Variants in GOLGA8A observed in about 807,000 individuals in gnomAD.
GOLGA8A encodes golgin subfamily A member 8A.
In GOLGA8A, 3 loss-of-function variants were observed where a neutral mutation model predicts 22.1. That is an observed-to-expected ratio of 0.14 (90% CI 0.06 to 0.35). The LOEUF is 0.35. Ranked by LOEUF, GOLGA8A falls within the 10% of genes least tolerant of loss-of-function variation. The probability of loss-of-function intolerance (pLI) is 1.00; values close to 1 mark genes in which losing one functional copy is unlikely to be tolerated. For missense variants in GOLGA8A, 16 were observed against 233.2 expected, an observed-to-expected ratio of 0.07 and a Z score of 6.07; for synonymous variants, 7 against 91.7, an observed-to-expected ratio of 0.08 and a Z score of 5.28.
intron 2 of GOLGA8A, among the ~76,000 whole-genome samples, chr15:34,432,020 T>A (rs749657332): frequency 1.3e-5 from 2 of 149,198 alleles, no homozygotes; most frequent in Non-Finnish European, 1.5e-5. Context: ...AATAAGAGTT[T>A]CCTCAGAACT....
chr15:34,425,291 G>A (rs2453693), intron 2 of GOLGA8A, among the ~76,000 whole-genome samples: 29 of 145,700 alleles, frequency 2.0e-4, no homozygotes, highest in African/African-American at 3.5e-4. Context: ...AGAAACACAG[G>A]AGAAACACTC....
At chr15:34,424,444 G>C (rs550035960) in intron 2 of GOLGA8A, among the ~76,000 whole-genome samples, 1 of 143,566 alleles carries the variant, frequency 7.0e-6, no homozygotes, top group South Asian at 2.5e-4. Flanking sequence ...AAATACGAGA[G>C]GAAGAATGAC....
At chr15:34,431,465 A>T (rs1162719798) in intron 2 of GOLGA8A, among the ~76,000 whole-genome samples, 2 of 147,432 alleles carry the variant, frequency 1.4e-5, no homozygotes, top group Non-Finnish European at 3.0e-5. Context: ...ATCATTAGGC[A>T]ATTTCATCAT....
chr15:34,398,990 G>A (rs1458161416), intron 7 of GOLGA8A, among the ~76,000 whole-genome samples, 165 bp downstream of exon 7: 1 of 138,774 alleles, frequency 7.2e-6, no homozygotes, highest in Non-Finnish European at 1.6e-5. Flanking sequence ...GCAGCACCAA[G>A]TACAGTGTCA....
Position 34,380,571 on chromosome 15 carries a change from TTTC to T in GOLGA8A, c.*837_*839del. On this transcript the variant is annotated 3_prime_UTR_variant, in exon 25 of 25. Coordinates refer to ENST00000359187, the MANE Select transcript of GOLGA8A (RefSeq NM_181077.5). ...ACACCCACAGCCAATGATGGCAGCCTTTCATTCCTCGGAAATAAGCCCTTTTTA... is the reference window on the plus strand; with the variant it reads ...ACACCCACAGCCAATGATGGCAGCCTATTCCTCGGAAATAAGCCCTTTTTA... 6.6e-6 allele frequency: 1 copy of T among 152,392 alleles called. No homozygotes were observed. The highest frequency in any genetic ancestry group is 1.9e-4 in the East Asian group (1 of 5,186). 9.4% of individuals were successfully genotyped at this position (152,392 alleles called of 1,614,324 possible).
At chr15:34,433,381 G>C (rs1300376060) in intron 2 of GOLGA8A, among the ~76,000 whole-genome samples, 1 of 149,244 alleles carries the variant, frequency 6.7e-6, no homozygotes, top group Non-Finnish European at 1.5e-5. Flanking sequence ...TTTGGCAGCA[G>C]GGACCACCCG....
chr15:34,402,811 A>C (rs1196054623), intron 5 of GOLGA8A, among the ~76,000 whole-genome samples: 3 of 27,906 alleles, frequency 1.1e-4, no homozygotes, highest in African/African-American at 5.9e-4. Context: ...TCAACTTGGC[A>C]ATCATTCTCT....
At chr15:34,416,798 C>CAA (rs1370201538) in intron 2 of GOLGA8A, 15 of 63,074 alleles carry the variant, frequency 2.4e-4, no homozygotes, top group African/African-American at 8.6e-4. Context: ...GACATTGTCT[C>CAA]AAAAAATAAA....
Position 34,434,159 on chromosome 15 carries a change from G to A in GOLGA8A, c.-1123+1224C>T, listed in dbSNP as rs1426923388. ...TCTGGGCAATGAGCCTGTCTGCCTG[G>A]AGCCAGGAGAGCCTGGAGGGGCCAT... On this transcript the variant is annotated intron_variant, in intron 2 of 24. Transcript: ENST00000359187. Among the ~76,000 whole-genome samples the A allele has an allele frequency of 1.7e-4, 26 of 149,598 alleles. 1 individual carries two copies. The highest frequency in any genetic ancestry group is 6.4e-4 in the African/African-American group (26 of 40,538).
In GOLGA8A at chr15:34,428,402, A is replaced by C. The variant is rs1251420402; in HGVS notation, c.-1123+6981T>G. The stretch of plus-strand genomic sequence containing the variant: ...AACCACCGTGCCCAGCCTTCAAATC[A>C]CATTTCTAAGGAGCCTAACAAGCAG... On this transcript the variant is annotated intron_variant, in intron 2 of 24. Transcript: ENST00000359187. Among the ~76,000 whole-genome samples, 3 of 148,486 alleles carry C rather than the reference A, an allele frequency of 2.0e-5. No individual in the cohort carries two copies. The East Asian group carries it at 6.0e-4, about 29-fold the overall frequency.
chr15:34,432,510 A>G (rs537374121), intron 2 of GOLGA8A, among the ~76,000 whole-genome samples: 1 of 149,122 alleles, frequency 6.7e-6, no homozygotes, highest in South Asian at 2.2e-4. Flanking sequence ...CAAAGTTAAG[A>G]CAAGACCTGC....
At position 34,434,497 on chromosome 15, in the gene GOLGA8A, C is replaced by T. The variant is rs568781608; in HGVS notation, c.-1123+886G>A. ...CAGGGAGAGAGGGGAGGATTGGCTTCAGGAGAGGCGAGAAACGACAGTGCC... is the reference window on the plus strand; with the variant it reads ...CAGGGAGAGAGGGGAGGATTGGCTTTAGGAGAGGCGAGAAACGACAGTGCC... On this transcript the variant is annotated intron_variant, in intron 2 of 24. Coordinates refer to ENST00000359187, the MANE Select transcript of GOLGA8A (RefSeq NM_181077.5). Among the ~76,000 whole-genome samples, 53 of 149,228 alleles carry T rather than the reference C, an allele frequency of 3.6e-4. 3 individuals carry two copies. The highest frequency in any genetic ancestry group is 1.3e-3 in the African/African-American group (53 of 40,528).
Position 34,381,095 on chromosome 15 carries a change from T to C in GOLGA8A, c.*316A>G, listed in dbSNP as rs1323121567. ...TATTCCAAACCAGCGAGAACAGTTT[T>C]GTGCAAAGAGTGGGTCTTTGTGTGT... On this transcript the variant is annotated 3_prime_UTR_variant, in exon 25 of 25. Coordinates refer to ENST00000359187, the MANE Select transcript of GOLGA8A (RefSeq NM_181077.5). 2.3e-6 allele frequency: 1 copy of C among 437,478 alleles called. No homozygotes were observed. Among genetic ancestry groups the C allele is most frequent in the Non-Finnish European group, 4.3e-6 (1 of 234,346 alleles). 27.1% of individuals were successfully genotyped at this position (437,478 alleles called of 1,614,324 possible).
rs1323144552 is a variant in GOLGA8A, at chr15:34,380,926, T to C, written c.*485A>G. 3.3e-6 allele frequency: 1 copy of C among 303,550 alleles called. No individual in the cohort carries two copies. The highest frequency in any genetic ancestry group is 6.3e-6 in the Non-Finnish European group (1 of 157,796). 18.8% of individuals were successfully genotyped at this position (303,550 alleles called of 1,614,324 possible). ...TTACAAAGTAATAAACAGTGCACACTTGAGGGCAAACCGCATATTGAGCTA... is the reference window on the plus strand; with the variant it reads ...TTACAAAGTAATAAACAGTGCACACCTGAGGGCAAACCGCATATTGAGCTA... On this transcript the variant is annotated 3_prime_UTR_variant, in exon 25 of 25. Coordinates refer to ENST00000359187, the MANE Select transcript of GOLGA8A (RefSeq NM_181077.5).
intron 6 of GOLGA8A, among the ~76,000 whole-genome samples, chr15:34,400,331 C>T (rs1349296356): frequency 7.7e-6 from 1 of 129,340 alleles, no homozygotes; most frequent in African/African-American, 2.9e-5. Flanking sequence ...AGTGATTCTC[C>T]CAGCTCAGCC....
chr15:34,436,033 G>A (rs78081351), intron 1 of GOLGA8A, among the ~76,000 whole-genome samples: 2 of 149,056 alleles, frequency 1.3e-5, no homozygotes, highest in East Asian at 2.0e-4. Context: ...AGGAATCAGC[G>A]CAGAGTGCAG....
intron 2 of GOLGA8A, chr15:34,420,314 CA>C (rs2140270402): frequency 6.9e-6 from 1 of 144,472 alleles, no homozygotes; most frequent in South Asian, 2.4e-4. Context: ...CAGGGAGTGA[CA>C]GGGGCGTGAT....
chr15:34,423,252 C>A (rs1269221815), intron 2 of GOLGA8A, among the ~76,000 whole-genome samples: 1 of 126,524 alleles, frequency 7.9e-6, no homozygotes, highest in Non-Finnish European at 1.7e-5. Context: ...AACATGGGGC[C>A]ACATCACGCC....
In GOLGA8A at chr15:34,436,606, C is replaced by T. The variant is rs1163782825; in HGVS notation, c.-1212+792G>A. On this transcript the variant is annotated intron_variant, in intron 1 of 24. Coordinates refer to ENST00000359187, the MANE Select transcript of GOLGA8A (RefSeq NM_181077.5). ...CCCCTCCGCGGGCGTTCCCCGCACC[C>T]TCCCTCCGCGTCGGCCCGGAGAAAA... Among the ~76,000 whole-genome samples the T allele has an allele frequency of 3.3e-5, 5 of 150,192 alleles. 1 individual carries two copies. The highest frequency in any genetic ancestry group is 1.3e-4 in the Admixed American group (2 of 14,980).
Sources: gnomAD v4.1 joint callset for allele counts (sites outside exome capture counted in the v4.1 genomes callset) on GRCh38, gnomAD v4.1.1 for gene constraint, MANE v1.5 for transcripts, NCBI Gene and HGNC (gene_info 2026-07-23, HGNC 2026-07-21) for gene names.